TMEM108: variants seen among roughly 807,000 people sequenced by gnomAD.
TMEM108 encodes cancer/testis antigen 124.
Under a neutral mutation model 35.1 loss-of-function variants are expected in TMEM108, and 12 were observed. The ratio of observed to expected loss-of-function variants is 0.34; its 90% CI spans 0.22 to 0.55. The LOEUF (loss-of-function observed/expected upper bound fraction) is 0.55. TMEM108 is among the 20% of genes least tolerant of loss of function. The pLI is 0.89. For synonymous variants in TMEM108, 287 were observed against 308.6 expected, an observed-to-expected ratio of 0.93 and a Z score of 0.73; for missense variants, 680 against 753.3, an observed-to-expected ratio of 0.90 and a Z score of 1.14.
intron 2 of TMEM108, among the ~76,000 whole-genome samples, chr3:133,083,077 G>A (rs1272419643): frequency 6.6e-6 from 1 of 152,182 alleles, no homozygotes; most frequent in East Asian, 1.9e-4. Flanking sequence ...CACTGAGCCA[G>A]TGGTGCTGGG....
Position 133,256,236 on chromosome 3 carries a change from A to G in TMEM108, c.40+26885A>G, listed in dbSNP as rs1946544459. ...GAATTAAAGATCTGATCAAATAATCATTAAAGCACGAGGGTAAAATAAAGA... is the reference window on the plus strand; with the variant it reads ...GAATTAAAGATCTGATCAAATAATCGTTAAAGCACGAGGGTAAAATAAAGA... On this transcript the variant is annotated intron_variant, in intron 3 of 5. Coordinates refer to ENST00000321871, the MANE Select transcript of TMEM108 (RefSeq NM_023943.4). 3.3e-5 allele frequency among the ~76,000 whole-genome samples: 5 copies of G among 152,246 alleles called. No individual in the cohort carries two copies. The South Asian group carries it at 1.0e-3, about 31-fold the overall frequency.
At chr3:133,262,883 A>G (rs187292303) in intron 3 of TMEM108, among the ~76,000 whole-genome samples, 1 of 152,338 alleles carries the variant, frequency 6.6e-6, no homozygotes, top group East Asian at 1.9e-4. Context: ...GTCTTTTCCA[A>G]ATCTCTTGAG....
intron 3 of TMEM108, among the ~76,000 whole-genome samples, chr3:133,342,769 G>A (rs888689937): frequency 2.0e-5 from 3 of 150,638 alleles, no homozygotes; most frequent in African/African-American, 7.3e-5. Context: ...GGTGGAAGTA[G>A]GGAGAAGAGA....
chr3:133,393,147 G>C (rs1161399089), intron 5 of TMEM108, among the ~76,000 whole-genome samples: 1 of 152,100 alleles, frequency 6.6e-6, no homozygotes, highest in African/African-American at 2.4e-5. Context: ...CTTCGTTCTT[G>C]CACCCTATCT....
intron 2 of TMEM108, among the ~76,000 whole-genome samples, chr3:133,174,610 G>A (rs557707288): frequency 3.3e-5 from 5 of 152,208 alleles, no homozygotes; most frequent in Non-Finnish European, 7.3e-5. Flanking sequence ...ACCTGCAGCT[G>A]AGGGTCCTGA....
Position 133,181,006 on chromosome 3 carries a change from GTT to G in TMEM108, c.-46-48259_-46-48258del, listed in dbSNP as rs1576366723. Among the ~76,000 whole-genome samples the G allele has an allele frequency of 2.9e-4, 6 of 20,832 alleles. No individual in the cohort carries two copies. In the East Asian group the frequency reaches 6.2e-3, roughly 22 times the overall value. The allele number at this position is 20,832 out of a possible 152,430, so 13.7% of individuals were successfully genotyped here. A position where few individuals can be genotyped will look rare whatever the true frequency, so the allele number is the denominator to read the frequency against. On this transcript the variant is annotated intron_variant, in intron 2 of 5. Coordinates refer to ENST00000321871, the MANE Select transcript of TMEM108 (RefSeq NM_023943.4). Reference sequence around the variant, plus strand: ...GTTGTACTGGCTATTGGGCAGTTGTGTTAAAAAAAAAAAAAAAAAAAAAAAAA... The same window carrying G: ...GTTGTACTGGCTATTGGGCAGTTGTGAAAAAAAAAAAAAAAAAAAAAAAAA...
intron 2 of TMEM108, among the ~76,000 whole-genome samples, chr3:133,091,857 T>TA (rs749866006): frequency 0.025 from 2,367 of 93,806 alleles, 56 homozygotes; most frequent in African/African-American, 0.064. Context: ...AGACTTCTTA[T>TA]AAAAAAAAAA....
chr3:133,236,713 A>G (rs1946242787), intron 3 of TMEM108, among the ~76,000 whole-genome samples: 1 of 152,212 alleles, frequency 6.6e-6, no homozygotes, highest in South Asian at 2.1e-4. Flanking sequence ...CCCAGTGACT[A>G]TTCTTTCTTC....
chr3:133,084,138 G>A (rs1419438716), intron 2 of TMEM108, among the ~76,000 whole-genome samples: 2 of 151,638 alleles, frequency 1.3e-5, no homozygotes, highest in Non-Finnish European at 2.9e-5. Context: ...AAAAAACAGT[G>A]ATTAGGAAAT....
In TMEM108 at chr3:133,147,391, A is replaced by G. The variant is rs143204961; in HGVS notation, c.-46-81875A>G. Reference sequence around the variant, plus strand: ...TTCCCTTTTCTTTGAAACTTCTCCAACATCTGTTCTTTTTTGACTTTTTAA... The same window carrying G: ...TTCCCTTTTCTTTGAAACTTCTCCAGCATCTGTTCTTTTTTGACTTTTTAA... On this transcript the variant is annotated intron_variant, in intron 2 of 5. Transcript: ENST00000321871. Among the ~76,000 whole-genome samples, 211 of 152,036 alleles carry G rather than the reference A, an allele frequency of 1.4e-3. 1 individual carries two copies. The highest frequency in any genetic ancestry group is 4.7e-3 in the African/African-American group (194 of 41,514).
rs1046298835 is a variant in TMEM108 at position 133,099,195 on chromosome 3, C to A, written c.-47+53175C>A. On this transcript the variant is annotated intron_variant, in intron 2 of 5. Coordinates refer to ENST00000321871, the MANE Select transcript of TMEM108 (RefSeq NM_023943.4). ...CAACACCACATGGAAGCTGCCAAGG[C>A]TTAGGGAATCCACCCTCTGAAGCCA... Among the ~76,000 whole-genome samples, 4 of 152,244 alleles carry A rather than the reference C, an allele frequency of 2.6e-5. No individual in the cohort carries two copies. The East Asian group carries it at 5.8e-4, about 22-fold the overall frequency.
intron 3 of TMEM108, among the ~76,000 whole-genome samples, chr3:133,313,355 G>A (rs746106748): frequency 6.6e-5 from 10 of 151,838 alleles, no homozygotes; most frequent in South Asian, 4.2e-4. Context: ...CCACCACCAC[G>A]CCTGGCTAAT....
At chr3:133,166,515 C>T (rs1168807316) in intron 2 of TMEM108, among the ~76,000 whole-genome samples, 4 of 152,090 alleles carry the variant, frequency 2.6e-5, no homozygotes, top group Non-Finnish European at 5.9e-5. Context: ...GATGTTCGGA[C>T]GTGTTCGGAG....
At chr3:133,262,264 T>C (rs1201358392) in intron 3 of TMEM108, among the ~76,000 whole-genome samples, 1 of 152,258 alleles carries the variant, frequency 6.6e-6, no homozygotes, top group Non-Finnish European at 1.5e-5. Context: ...AATTTCATAC[T>C]GAATGCAGTT....
chr3:133,046,242 C>T (rs554014879), intron 2 of TMEM108, among the ~76,000 whole-genome samples: 3 of 152,268 alleles, frequency 2.0e-5, no homozygotes, highest in African/African-American at 7.2e-5. Flanking sequence ...GGAAATATTT[C>T]AAAACAGGAG....
intron 2 of TMEM108, among the ~76,000 whole-genome samples, chr3:133,187,957 C>T (rs1475052651): frequency 6.7e-6 from 1 of 150,336 alleles, no homozygotes; most frequent in Non-Finnish European, 1.5e-5. Context: ...TCATGTACCT[C>T]TACTTCCTAG....
intron 2 of TMEM108, among the ~76,000 whole-genome samples, chr3:133,075,041 C>T (rs1943723832): frequency 6.6e-6 from 1 of 152,080 alleles, no homozygotes; most frequent in Admixed American, 6.6e-5. Context: ...CAATTTTAGG[C>T]TCTATCCATG....
chr3:133,089,174 C>T (rs1281800587), intron 2 of TMEM108, among the ~76,000 whole-genome samples: 1 of 152,126 alleles, frequency 6.6e-6, no homozygotes, highest in Non-Finnish European at 1.5e-5. Context: ...GTAATCCAAT[C>T]ACCTCCCACC....
chr3:133,083,567 C>T (rs1439961678), intron 2 of TMEM108, among the ~76,000 whole-genome samples: 1 of 152,140 alleles, frequency 6.6e-6, no homozygotes, highest in African/African-American at 2.4e-5. Context: ...AGAAGTGTAT[C>T]TCATATAGTT....
Sources: gnomAD v4.1 joint callset for allele counts (sites outside exome capture counted in the v4.1 genomes callset) on GRCh38, gnomAD v4.1.1 for gene constraint, MANE v1.5 for transcripts, NCBI Gene and HGNC (gene_info 2026-07-23, HGNC 2026-07-21) for gene names.